PCDH7: variants seen among roughly 807,000 people sequenced by gnomAD.
PCDH7 encodes protocadherin 7, also known as protocadherin-7.
In PCDH7, 17 loss-of-function variants were observed where a neutral mutation model predicts 58.9. That is an observed-to-expected ratio of 0.29 (90% confidence interval 0.20 to 0.43). The LOEUF (loss-of-function observed/expected upper bound fraction) is 0.43. PCDH7 is among the 20% of genes least tolerant of loss of function. The probability of loss-of-function intolerance (pLI) is 1.00; values close to 1 mark genes in which losing one functional copy is unlikely to be tolerated. For synonymous variants in PCDH7, 664 were observed against 616.4 expected, an observed-to-expected ratio of 1.08 and a Z score of -1.14; for missense variants, 1,274 against 1,441.0, an observed-to-expected ratio of 0.88 and a Z score of 1.88.
In PCDH7 at chr4:30,723,067, A is replaced by C; in HGVS notation, c.1645A>C (p.Ile549Leu). ...GGAGGTTTACTTCCCTGAGAACAAC[A>C]TCCCGGGCGAGAGGGTGGCCACGGT... Residue 549 changes from isoleucine (I) to leucine (L), a missense_variant, in exon 1 of 2, where the codon ATC (isoleucine) becomes CTC (leucine). Around this residue, in one of 3 missense-constraint regions of PCDH7, gnomAD observed 731 missense variants for 881.9 expected, o/e 0.83. Transcript: ENST00000361762. The surrounding 1 kb of genome is among the most constrained non-coding windows in gnomAD (Gnocchi z 4.6). 6.2e-7 allele frequency: 1 copy of C among 1,613,888 alleles called. No individual in the cohort carries two copies. The highest frequency in any genetic ancestry group is 8.5e-7 in the Non-Finnish European group (1 of 1,180,038).
chr4:31,075,742 T>G lies in PCDH7; in HGVS notation c.*8-66731T>G, dbSNP rs551981382. 8.2e-4 allele frequency among the ~76,000 whole-genome samples: 125 copies of G among 152,306 alleles called. 3 individuals are homozygous for G. In the South Asian group the frequency reaches 0.026, roughly 32 times the overall value. The stretch of plus-strand genomic sequence containing the variant: ...ATGGGGGATAACATCTATAACCACC[T>G]TAAATTCAACTAGGAATGTGATTTA... On this transcript the variant is annotated intron_variant, in intron 3 of 3. Transcript: ENST00000509759.
chr4:30,908,132 G>A (rs1304999653), intron 1 of PCDH7, among the ~76,000 whole-genome samples: 1 of 151,880 alleles, frequency 6.6e-6, no homozygotes. Context: ...ATAGCATTAG[G>A]AGAAATACCT....
chr4:30,850,397 T>C (rs1485868208), intron 1 of PCDH7, among the ~76,000 whole-genome samples: 1 of 152,122 alleles, frequency 6.6e-6, no homozygotes, highest in Admixed American at 6.6e-5. Flanking sequence ...GACCAAGCCA[T>C]AGACTATTTG....
intron 3 of PCDH7, among the ~76,000 whole-genome samples, chr4:31,139,058 T>C (rs1380635019): frequency 6.6e-6 from 1 of 152,076 alleles, no homozygotes; most frequent in Non-Finnish European, 1.5e-5. Flanking sequence ...CTTAACTTTC[T>C]AATAAGATGC....
At position 30,722,438 on chromosome 4, in the gene PCDH7, T is replaced by A; in HGVS notation, c.1016T>A (p.Val339Asp). 6.2e-7 allele frequency: 1 copy of A among 1,610,978 alleles called. No homozygotes were observed. The highest frequency in any genetic ancestry group is 1.1e-5 in the South Asian group (1 of 90,944). The change falls in exon 1 of 2, where the codon GTC (valine) becomes GAC (aspartate). Residue 339 changes from valine (V) to aspartate (D), a missense_variant. This residue lies in a region of PCDH7 where 331 missense variants were observed against 303.2 expected (regional missense o/e 1.09). Coordinates refer to ENST00000361762, the Ensembl canonical transcript of PCDH7. This position sits in a 1 kb window ranked among gnomAD's most constrained non-coding sequence, Gnocchi z 7.6. ...CGCGCAGCCGACTTGGACGTGGGGG[T>A]CAACGGGCAGATCGAATACGTGTTC...
chr4:31,030,277 A>G (rs190670923), intron 3 of PCDH7, among the ~76,000 whole-genome samples: 30 of 152,180 alleles, frequency 2.0e-4, no homozygotes, highest in Admixed American at 8.5e-4. Context: ...TGTATCCTCA[A>G]ATTGCTTTGT....
intron 3 of PCDH7, among the ~76,000 whole-genome samples, chr4:31,111,203 G>A (rs1716263301): frequency 6.7e-6 from 1 of 149,866 alleles, no homozygotes; most frequent in South Asian, 2.1e-4. Context: ...CTTATATGTA[G>A]CCCAAAGTGT....
intron 1 of PCDH7, among the ~76,000 whole-genome samples, chr4:30,798,286 A>G (rs1253740852): frequency 1.3e-5 from 2 of 152,172 alleles, no homozygotes; most frequent in African/African-American, 4.8e-5. Flanking sequence ...AACTTTCATG[A>G]CGGCACAGAG....
Position 31,062,385 on chromosome 4 carries a change from G to A in PCDH7, c.*8-80088G>A, listed in dbSNP as rs1025362577. On this transcript the variant is annotated intron_variant, in intron 3 of 3. Transcript: ENST00000509759. ...GGAACCAATATAGATGCTAAGATTT[G>A]GGTGCAGGATATTTCTGAAAATAAT... 1.1e-4 allele frequency among the ~76,000 whole-genome samples: 17 copies of A among 151,674 alleles called. No individual in the cohort carries two copies. The East Asian group carries it at 3.3e-3, about 29-fold the overall frequency.
chr4:31,037,873 C>T (rs1175696590), intron 3 of PCDH7, among the ~76,000 whole-genome samples: 1 of 152,208 alleles, frequency 6.6e-6, no homozygotes, highest in Non-Finnish European at 1.5e-5. Context: ...AAGGAGGCAG[C>T]AGTTCAAGTA....
chr4:31,084,639 G>A (rs757532413), intron 3 of PCDH7, among the ~76,000 whole-genome samples: 12 of 138,318 alleles, frequency 8.7e-5, no homozygotes, highest in African/African-American at 3.3e-4. Flanking sequence ...TGTCACATAA[G>A]GAAAGCAGGA....
At chr4:30,954,767 ACTTT>A (rs1197068040) in intron 3 of PCDH7, among the ~76,000 whole-genome samples, 1 of 152,192 alleles carries the variant, frequency 6.6e-6, no homozygotes, top group Non-Finnish European at 1.5e-5. Flanking sequence ...GTGAATTCCA[ACTTT>A]CTACAGAATA....
chr4:31,105,037 C>T (rs766343186), intron 3 of PCDH7, among the ~76,000 whole-genome samples: 15 of 152,096 alleles, frequency 9.9e-5, no homozygotes, highest in Admixed American at 7.9e-4. Context: ...AAATGGAAAA[C>T]GGCTTCATTT....
chr4:30,762,016 T>C (rs1720093154), intron 1 of PCDH7, among the ~76,000 whole-genome samples: 2 of 152,188 alleles, frequency 1.3e-5, no homozygotes, highest in East Asian at 1.9e-4. Flanking sequence ...TTCTCCAATG[T>C]TAAAGTCTTA....
chr4:30,780,137 T>G (rs2109287693), intron 1 of PCDH7, among the ~76,000 whole-genome samples: 1 of 152,354 alleles, frequency 6.6e-6, no homozygotes, highest in South Asian at 2.1e-4. Flanking sequence ...GTTTTACTTA[T>G]ATAGTGCATA....
At chr4:30,834,917 ATG>A (rs1316175176) in intron 1 of PCDH7, among the ~76,000 whole-genome samples, 4,229 of 145,412 alleles carry the variant, frequency 0.029, 165 homozygotes, top group African/African-American at 0.09. Flanking sequence ...ATATATATAT[ATG>A]TGTATATATA....
chr4:30,829,317 A>G (rs965305445), intron 1 of PCDH7, among the ~76,000 whole-genome samples: 3 of 152,276 alleles, frequency 2.0e-5, no homozygotes, highest in East Asian at 3.9e-4. Flanking sequence ...TTAAATACAT[A>G]TAAATATATG....
chr4:31,033,534 G>C (rs1311840634), intron 3 of PCDH7, among the ~76,000 whole-genome samples: 3 of 152,098 alleles, frequency 2.0e-5, no homozygotes, highest in Non-Finnish European at 2.9e-5. Flanking sequence ...TATACAACTG[G>C]AATCTACATC....
intron 3 of PCDH7, among the ~76,000 whole-genome samples, chr4:31,067,522 G>A (rs758521642): frequency 6.6e-6 from 1 of 151,888 alleles, no homozygotes; most frequent in Non-Finnish European, 1.5e-5. Flanking sequence ...TGTTGAATAG[G>A]TGATCGTACT....
Sources: allele counts gnomAD v4.1 joint callset (sites outside exome capture counted in the v4.1 genomes callset), GRCh38; gene constraint gnomAD v4.1.1; regional missense constraint gnomAD v4.1.1; non-coding constraint Gnocchi (gnomAD v3.1); transcripts MANE v1.5; gene names NCBI Gene and HGNC (gene_info 2026-07-23, HGNC 2026-07-21).